Variants in DLGAP1 observed in about 807,000 individuals in gnomAD.
DLGAP1 encodes disks large-associated protein 1.
A neutral mutation model predicts 90.8 loss-of-function variants in DLGAP1; 11 were observed. The observed-to-expected ratio is 0.12, with a 90% CI of 0.08 to 0.20. DLGAP1 has a LOEUF of 0.20. Among genes scored for constraint, DLGAP1 ranks in the 10% least tolerant of loss-of-function variants. DLGAP1 has a pLI of 1.00. For synonymous variants in DLGAP1, 558 were observed against 540.7 expected (o/e 1.03, Z -0.44); for missense variants, 1,050 against 1,333.8 (o/e 0.79, Z 3.31).
chr18:3,788,105 C>A (rs147471529), intron 5 of DLGAP1, among the ~76,000 whole-genome samples: 29 of 152,294 alleles, frequency 1.9e-4, no homozygotes, highest in African/African-American at 7.0e-4. Flanking sequence ...GAATTTACTA[C>A]CCCTGTAAAA....
chr18:3,656,234 G>A (rs973829981), intron 7 of DLGAP1: 18 of 716,514 alleles, frequency 2.5e-5, no homozygotes, highest in African/African-American at 9.1e-5. Context: ...TTGCAAGAAC[G>A]TAACTAAACA....
chr18:4,232,910 G>C (rs2078330819), intron 1 of DLGAP1, among the ~76,000 whole-genome samples: 1 of 152,160 alleles, frequency 6.6e-6, no homozygotes, highest in Non-Finnish European at 1.5e-5. Flanking sequence ...ACACAGGTCA[G>C]CTCTCAAAGG....
intron 7 of DLGAP1, among the ~76,000 whole-genome samples, chr18:3,657,973 ACAAT>A (rs773578406): frequency 1.2e-4 from 18 of 152,206 alleles, no homozygotes; most frequent in Admixed American, 3.9e-4. Flanking sequence ...CCATGATCAG[ACAAT>A]CATTCATTCA....
chr18:4,411,545 A>ATG (rs2082776770), intron 1 of DLGAP1, among the ~76,000 whole-genome samples: 1 of 152,206 alleles, frequency 6.6e-6, no homozygotes, highest in East Asian at 1.9e-4. Flanking sequence ...TTGCTGCATA[A>ATG]CAAATCACCC....
intron 2 of DLGAP1, among the ~76,000 whole-genome samples, chr18:4,042,702 C>T (rs1486587328): frequency 1.3e-5 from 2 of 152,122 alleles, no homozygotes; most frequent in South Asian, 2.1e-4. Flanking sequence ...ATCATGCCAC[C>T]GCATTCCAGC....
intron 5 of DLGAP1, among the ~76,000 whole-genome samples, chr18:3,747,778 C>T (rs757484161): frequency 6.6e-6 from 1 of 152,168 alleles, no homozygotes; most frequent in African/African-American, 2.4e-5. Flanking sequence ...TTGAATAGTT[C>T]TTCTCTGGTG....
intron 7 of DLGAP1, among the ~76,000 whole-genome samples, chr18:3,609,012 T>G (rs2057463944): frequency 6.6e-6 from 1 of 151,766 alleles, no homozygotes; most frequent in African/African-American, 2.4e-5. Flanking sequence ...ATTTTTATAC[T>G]TTTAGTAGAG....
intron 4 of DLGAP1, among the ~76,000 whole-genome samples, chr18:3,863,746 C>G (rs557898292): frequency 6.6e-6 from 1 of 152,248 alleles, no homozygotes; most frequent in Non-Finnish European, 1.5e-5. Flanking sequence ...CTCAGCCCCA[C>G]CACCTCTGCA....
rs116491886 is a variant in DLGAP1 at position 4,070,417 on chromosome 18, G to A, written c.-158-65216C>T. On this transcript the variant is annotated intron_variant, in intron 2 of 12. Coordinates refer to ENST00000315677, the MANE Select transcript of DLGAP1 (RefSeq NM_004746.4). ...TCCAGAGTGCTCACTATTACACCAC[G>A]GAAACTCACACTGATTAATCAACAT... Among the ~76,000 whole-genome samples the A allele has an allele frequency of 1.9e-3, 290 of 151,976 alleles. 3 individuals are homozygous for A. Among genetic ancestry groups the A allele is most frequent in the African/African-American group, 6.7e-3 (279 of 41,434 alleles).
chr18:3,974,917 T>C (rs965908755), intron 3 of DLGAP1, among the ~76,000 whole-genome samples: 3 of 151,998 alleles, frequency 2.0e-5, no homozygotes, highest in African/African-American at 7.2e-5. Flanking sequence ...AAAATAAAAA[T>C]TAATCAGTCT....
chr18:4,084,265 A>G lies in DLGAP1; in HGVS notation c.-159+66915T>C, dbSNP rs34577675. On this transcript the variant is annotated intron_variant, in intron 2 of 12. Coordinates refer to ENST00000315677, the MANE Select transcript of DLGAP1 (RefSeq NM_004746.4). The surrounding 1 kb of genome is among the most constrained non-coding windows in gnomAD (Gnocchi z 4.0). ...TTCACGATTTGAATTTGAATCCTGT[A>G]GGTTTTTCTCTTTTAATTTAACTAT... 0.32 allele frequency among the ~76,000 whole-genome samples: 47,877 copies of G among 151,934 alleles called. 7,679 individuals carry two copies. Among genetic ancestry groups the G allele is most frequent in the East Asian group, 0.34 (1,768 of 5,156 alleles).
At chr18:3,744,864 T>G (rs1430114767) in intron 5 of DLGAP1, among the ~76,000 whole-genome samples, 1 of 152,204 alleles carries the variant, frequency 6.6e-6, no homozygotes, top group Non-Finnish European at 1.5e-5. Context: ...GAAATTTTAT[T>G]CAAATGTAAC....
chr18:3,505,365 G>A (rs1228117751), intron 11 of DLGAP1, among the ~76,000 whole-genome samples: 1 of 152,124 alleles, frequency 6.6e-6, no homozygotes, highest in Non-Finnish European at 1.5e-5. Flanking sequence ...CGGGCCGGGC[G>A]AGTTGGCTCA....
At chr18:4,278,865 T>G (rs1002997465) in intron 1 of DLGAP1, among the ~76,000 whole-genome samples, 5 of 152,218 alleles carry the variant, frequency 3.3e-5, no homozygotes, top group African/African-American at 1.2e-4. Flanking sequence ...ATCTTTGTGA[T>G]ATAATGATTT....
In DLGAP1 at chr18:3,517,464, C is replaced by T. The variant is rs563288630; in HGVS notation, c.2480-8803G>A. Reference sequence around the variant, plus strand: ...TCTTTCTTTAAACTCCATGAACCAACGATTGCTAGCTTCAAACTTTTCTTC... The same window carrying T: ...TCTTTCTTTAAACTCCATGAACCAATGATTGCTAGCTTCAAACTTTTCTTC... On this transcript the variant is annotated intron_variant, in intron 10 of 12. Transcript: ENST00000315677. The surrounding 1 kb of genome is among the most constrained non-coding windows in gnomAD (Gnocchi z 4.1). 4.5e-4 allele frequency among the ~76,000 whole-genome samples: 68 copies of T among 152,322 alleles called. No homozygotes were observed. Among genetic ancestry groups the T allele is most frequent in the African/African-American group, 1.2e-3 (49 of 41,568 alleles).
chr18:4,060,897 G>A (rs1429147255), intron 2 of DLGAP1, among the ~76,000 whole-genome samples: 1 of 152,092 alleles, frequency 6.6e-6, no homozygotes, highest in African/African-American at 2.4e-5. Flanking sequence ...TTCATGAAAG[G>A]AAATTTATGA....
chr18:3,984,486 T>C (rs1297332820), intron 3 of DLGAP1, among the ~76,000 whole-genome samples: 1 of 152,196 alleles, frequency 6.6e-6, no homozygotes, highest in African/African-American at 2.4e-5. Context: ...CTGACAGCAC[T>C]CTAAGCTCCA....
chr18:4,358,654 T>C (rs10502324), intron 1 of DLGAP1, among the ~76,000 whole-genome samples: 18,762 of 152,256 alleles, frequency 0.12, 1,304 homozygotes, highest in African/African-American at 0.18. Context: ...CTTGTTCTCG[T>C]GCCTTTGATT....
intron 1 of DLGAP1, among the ~76,000 whole-genome samples, chr18:4,274,857 A>C (rs1192511102): frequency 1.3e-5 from 2 of 152,242 alleles, no homozygotes; most frequent in African/African-American, 4.8e-5. Context: ...ATTATAGAGT[A>C]GTGAGAGACA....
Sources: gnomAD v4.1 joint callset for allele counts (sites outside exome capture counted in the v4.1 genomes callset) on GRCh38, gnomAD v4.1.1 for gene constraint, Gnocchi (gnomAD v3.1) non-coding constraint, MANE v1.5 for transcripts, NCBI Gene and HGNC (gene_info 2026-07-23, HGNC 2026-07-21) for gene names.